DPP6: variants seen among roughly 807,000 people sequenced by gnomAD.
DPP6 encodes the protein dipeptidyl peptidase like 6, also known as A-type potassium channel modulatory protein DPP6.
DPP6 carries 69 observed loss-of-function variants against 122.6 expected under a neutral mutation model. That is an observed-to-expected ratio of 0.56 (90% CI 0.46 to 0.69). The LOEUF is 0.69. DPP6 is among the 30% of genes least tolerant of loss of function. The pLI, the probability that DPP6 is intolerant of heterozygous loss-of-function variation, is 0.00. For missense variants in DPP6, 928 were observed against 1,116.9 expected, an observed-to-expected ratio of 0.83 and a Z score of 2.41; for synonymous variants, 418 against 433.1, an observed-to-expected ratio of 0.97 and a Z score of 0.43.
intron 7 of DPP6, among the ~76,000 whole-genome samples, chr7:154,693,938 GATGTCTCCATCTGTT>G (rs1455372972): frequency 3.3e-5 from 5 of 152,214 alleles, no homozygotes; most frequent in African/African-American, 1.2e-4. Flanking sequence ...CTTGTTTGCA[GATGTCTCCATCTGTT>G]ATGTCTGAGC....
At chr7:153,867,597 C>T in the DPP6 span, among the ~76,000 whole-genome samples, 6 of 152,224 alleles carry the variant, frequency 3.9e-5, no homozygotes, top group African/African-American at 1.4e-4. Flanking sequence ...CATTTGCAAA[C>T]AGGGACAATT....
At chr7:154,023,318 G>GCACACACACACACACACACACA (rs1554436897) in intron 1 of DPP6, among the ~76,000 whole-genome samples, 7 of 129,526 alleles carry the variant, frequency 5.4e-5, no homozygotes, top group African/African-American at 1.6e-4. Flanking sequence ...TTTCTTGTCT[G>GCACACACACACACACACACACA]CACACACACA....
intron 2 of DPP6, among the ~76,000 whole-genome samples, chr7:154,467,899 G>C (rs935174253): frequency 6.6e-6 from 1 of 152,152 alleles, no homozygotes; most frequent in Non-Finnish European, 1.5e-5. Flanking sequence ...AGGGCCTTTT[G>C]TGTGACTGAA....
At chr7:153,832,668 A>G in the DPP6 span, among the ~76,000 whole-genome samples, 8 of 122,688 alleles carry the variant, frequency 6.5e-5, no homozygotes, top group East Asian at 1.5e-3. Context: ...CCAGAGTGAC[A>G]TATTATACTG....
At chr7:154,308,697 G>A (rs1028529290) in intron 1 of DPP6, among the ~76,000 whole-genome samples, 2 of 152,122 alleles carry the variant, frequency 1.3e-5, no homozygotes, top group Admixed American at 6.5e-5. Context: ...AGCCAACGGA[G>A]CTCTTCCTTA....
Position 154,614,690 on chromosome 7 carries a change from T to C in DPP6, c.628-23131T>C, listed in dbSNP as rs529147075. Among the ~76,000 whole-genome samples, 10 of 152,386 alleles carry C rather than the reference T, an allele frequency of 6.6e-5. No homozygotes were observed. The East Asian group carries it at 1.9e-3, about 29-fold the overall frequency. ...AATTCTCCTGAAAGCTAACTTTAAA[T>C]GTTAATGTTTCATTTAATTGAAGCA... On this transcript the variant is annotated intron_variant, in intron 5 of 25. Coordinates refer to ENST00000377770, the MANE Select transcript of DPP6 (RefSeq NM_130797.4).
chr7:154,334,075 C>T (rs900723211), intron 1 of DPP6, among the ~76,000 whole-genome samples: 15 of 151,598 alleles, frequency 9.9e-5, no homozygotes, highest in Admixed American at 3.3e-4. Flanking sequence ...TAAATTATTC[C>T]GGTTATAGGT....
chr7:154,671,224 A>G (rs1188903264), intron 7 of DPP6, among the ~76,000 whole-genome samples: 5 of 150,408 alleles, frequency 3.3e-5, no homozygotes, highest in Admixed American at 1.3e-4. Context: ...TTCAATATCC[A>G]TCAAATCATC....
intron 10 of DPP6, chr7:154,793,764 T>C: frequency 4.3e-6 from 1 of 231,268 alleles, no homozygotes; most frequent in Non-Finnish European, 8.5e-6. Context: ...AGGCATCAGC[T>C]GGAGAGACGA....
At chr7:154,747,548 C>G (rs761355002) in intron 8 of DPP6, among the ~76,000 whole-genome samples, 2 of 152,136 alleles carry the variant, frequency 1.3e-5, no homozygotes, top group African/African-American at 4.8e-5. Context: ...GGTCATTGTG[C>G]GAATCGCCAT....
intron 5 of DPP6, among the ~76,000 whole-genome samples, chr7:154,575,307 ATG>A (rs1831508869): frequency 4.1e-5 from 2 of 49,212 alleles, no homozygotes; most frequent in Non-Finnish European, 3.9e-5. Flanking sequence ...TGGGGGGTGT[ATG>A]TGTGTGGTGT....
the DPP6 span, among the ~76,000 whole-genome samples, chr7:153,813,693 T>C: frequency 6.6e-6 from 1 of 151,936 alleles, no homozygotes; most frequent in African/African-American, 2.4e-5. Flanking sequence ...ACCTGTTGTT[T>C]CCTGACTTTT....
At chr7:153,796,801 A>G in the DPP6 span, among the ~76,000 whole-genome samples, 1 of 152,050 alleles carries the variant, frequency 6.6e-6, no homozygotes, top group African/African-American at 2.4e-5. Context: ...GTATATCATC[A>G]CATGTGGATT....
intron 1 of DPP6, among the ~76,000 whole-genome samples, chr7:154,060,422 C>T (rs374022260): frequency 4.0e-4 from 47 of 117,084 alleles, no homozygotes; most frequent in Middle Eastern, 4.6e-3. Flanking sequence ...GGGGAGGCAC[C>T]CCCCGCGAGG....
intron 6 of DPP6, among the ~76,000 whole-genome samples, chr7:154,654,673 G>A (rs903041054): frequency 2.0e-5 from 3 of 151,678 alleles, no homozygotes; most frequent in Non-Finnish European, 2.9e-5. Context: ...CTGCCTTGGC[G>A]TCCCAAAGTG....
rs1177747505 is a variant in DPP6 at position 154,481,890 on chromosome 7, A to T, written c.457+6853A>T. Among the ~76,000 whole-genome samples, 1 of 152,100 alleles carries T rather than the reference A, an allele frequency of 6.6e-6. No homozygotes were observed. The highest frequency in any genetic ancestry group is 1.5e-5 in the Non-Finnish European group (1 of 68,032). On this transcript the variant is annotated intron_variant, in intron 3 of 25. Transcript: ENST00000377770. This position sits in a 1 kb window ranked among gnomAD's most constrained non-coding sequence, Gnocchi z 4.2. Reference sequence around the variant, plus strand: ...TTAAGTATAATTATTTATGAATGTAAACTCCACAAGGATGGGACTCGCATC... The same window carrying T: ...TTAAGTATAATTATTTATGAATGTATACTCCACAAGGATGGGACTCGCATC...
chr7:154,107,017 T>A (rs1806211363), intron 1 of DPP6, among the ~76,000 whole-genome samples: 1 of 151,936 alleles, frequency 6.6e-6, no homozygotes, highest in Middle Eastern at 3.2e-3. Context: ...TGGAAAATAG[T>A]GTGGAGGTTC....
chr7:154,834,326 A>AAAAAG (rs1800865055), intron 16 of DPP6, among the ~76,000 whole-genome samples: 1 of 151,162 alleles, frequency 6.6e-6, no homozygotes, highest in East Asian at 1.9e-4. Flanking sequence ...AAAAAAAAAA[A>AAAAAG]TTAGCCAGTT....
chr7:154,226,447 T>C (rs372854616), intron 1 of DPP6, among the ~76,000 whole-genome samples: 98 of 152,228 alleles, frequency 6.4e-4, no homozygotes, highest in African/African-American at 2.1e-3. Context: ...CATCAGTAAA[T>C]AGGGGAGCAT....
Sources: allele counts gnomAD v4.1 joint callset (sites outside exome capture counted in the v4.1 genomes callset), GRCh38; gene constraint gnomAD v4.1.1; non-coding constraint Gnocchi (gnomAD v3.1); transcripts MANE v1.5; gene names NCBI Gene and HGNC (gene_info 2026-07-23, HGNC 2026-07-21).